The following KIF6 variants were observed in gnomAD, a reference collection of about 807,000 sequenced individuals.
The protein encoded by KIF6 is kinesin family member 6, also known as kinesin-like protein KIF6.
Under a neutral mutation model 112.7 loss-of-function variants are expected in KIF6, and 106 were observed. The ratio of observed to expected loss-of-function variants is 0.94; its 90% CI spans 0.80 to 1.11. The LOEUF (loss-of-function observed/expected upper bound fraction) is 1.11, where lower values mean the gene tolerates loss of function less well. Ranked by LOEUF, KIF6 falls within the 50% of genes least tolerant of loss-of-function variation. The probability of loss-of-function intolerance (pLI) is 0.00; values close to 1 mark genes in which losing one functional copy is unlikely to be tolerated. For synonymous variants in KIF6, 339 were observed against 339.9 expected, an observed-to-expected ratio of 1.00 and a Z score of 0.03; for missense variants, 929 against 964.0, an observed-to-expected ratio of 0.96 and a Z score of 0.48.
intron 10 of KIF6, among the ~76,000 whole-genome samples, chr6:39,572,200 T>A (rs1780681055): frequency 6.6e-6 from 1 of 152,166 alleles, no homozygotes. Flanking sequence ...ATGGGTAGAA[T>A]AAAAACTAGA....
At position 39,333,252 on chromosome 6, in the gene KIF6, T is replaced by C. The variant is rs1562098350; in HGVS notation, c.*3280A>G. The C allele has an allele frequency of 1.3e-5, 2 of 152,244 alleles. No individual in the cohort carries two copies. The highest frequency in any genetic ancestry group is 2.4e-5 in the African/African-American group (1 of 41,464). 9.4% of individuals were successfully genotyped at this position (152,244 alleles called of 1,614,324 possible). A position where few individuals can be genotyped will look rare whatever the true frequency, so the allele number is the denominator to read the frequency against. ...CTGAGAAATCCTAGATCCAGTCATATACTGTCTCTGGGTTCCAATTTCTGT... is the reference window on the plus strand; with the variant it reads ...CTGAGAAATCCTAGATCCAGTCATACACTGTCTCTGGGTTCCAATTTCTGT... On this transcript the variant is annotated 3_prime_UTR_variant, in exon 23 of 23. Transcript: ENST00000287152.
intron 9 of KIF6, 118 bp downstream of exon 9, chr6:39,584,780 G>A (rs995434905): frequency 3.2e-6 from 2 of 615,616 alleles, no homozygotes; most frequent in Non-Finnish European, 5.7e-6. Context: ...GATTAAATGA[G>A]TTAATATGTT....
At position 39,587,043 on chromosome 6, in the gene KIF6, T is replaced by C. The variant is rs148649202; in HGVS notation, c.847-639A>G. ...ATAGGTTTGCTCCCATTGTAAGCAA[T>C]GGGTAGTTGACCTTGGTTCAATTCA... On this transcript the variant is annotated intron_variant, in intron 7 of 22. Coordinates refer to ENST00000287152, the MANE Select transcript of KIF6 (RefSeq NM_145027.6). Among the ~76,000 whole-genome samples the C allele has an allele frequency of 7.5e-4, 115 of 152,340 alleles. No homozygotes were observed. In the Middle Eastern group the frequency reaches 0.01, roughly 14 times the overall value.
intron 13 of KIF6, among the ~76,000 whole-genome samples, chr6:39,499,800 G>A (rs1026600528): frequency 1.3e-5 from 2 of 152,222 alleles, no homozygotes; most frequent in African/African-American, 4.8e-5. Flanking sequence ...AAGGTAGGTG[G>A]TGATGAGCTG....
chr6:39,707,002 G>A (rs1474632705), intron 3 of KIF6, among the ~76,000 whole-genome samples: 1 of 152,150 alleles, frequency 6.6e-6, no homozygotes, highest in African/African-American at 2.4e-5. Flanking sequence ...GTCATAAAGA[G>A]AGTATAGAAT....
chr6:39,707,835 C>T (rs1582496154), intron 3 of KIF6, among the ~76,000 whole-genome samples: 1 of 152,104 alleles, frequency 6.6e-6, no homozygotes, highest in South Asian at 2.1e-4. Context: ...TATTAGCATC[C>T]CCTTTCTCAG....
intron 3 of KIF6, among the ~76,000 whole-genome samples, chr6:39,672,114 T>G (rs193192280): frequency 6.6e-6 from 1 of 152,348 alleles, no homozygotes; most frequent in East Asian, 1.9e-4. Flanking sequence ...AGATGTTTGG[T>G]GATAGTTCTG....
chr6:39,536,589 A>G lies in KIF6; in HGVS notation c.1645+3414T>C, dbSNP rs1197643043. Among the ~76,000 whole-genome samples, 7 of 152,138 alleles carry G rather than the reference A, an allele frequency of 4.6e-5. No homozygotes were observed. The South Asian group carries it at 1.5e-3, about 32-fold the overall frequency. On this transcript the variant is annotated intron_variant, in intron 13 of 22. Coordinates refer to ENST00000287152, the MANE Select transcript of KIF6 (RefSeq NM_145027.6). ...CAATAATCAATAGCTTACCAACGAAAAAGAGTCCAGGACCAGATGGATTCA... is the reference window on the plus strand; with the variant it reads ...CAATAATCAATAGCTTACCAACGAAGAAGAGTCCAGGACCAGATGGATTCA...
chr6:39,700,838 G>A (rs112851472), intron 3 of KIF6, among the ~76,000 whole-genome samples: 10,187 of 151,644 alleles, frequency 0.067, 407 homozygotes, highest in Middle Eastern at 0.11. Context: ...TCAACCTCCC[G>A]AGTAGCTGGG....
intron 6 of KIF6, among the ~76,000 whole-genome samples, chr6:39,603,902 T>G (rs1782726147): frequency 6.6e-6 from 1 of 152,176 alleles, no homozygotes; most frequent in Admixed American, 6.6e-5. Context: ...TTCAATCACT[T>G]TGTTATCTTG....
At chr6:39,496,054 T>G (rs555984038) in intron 13 of KIF6, among the ~76,000 whole-genome samples, 17 of 152,310 alleles carry the variant, frequency 1.1e-4, no homozygotes, top group African/African-American at 1.7e-4. Flanking sequence ...AATCATTTCT[T>G]CAATTCTATC....
intron 13 of KIF6, among the ~76,000 whole-genome samples, chr6:39,475,517 G>T (rs917259870): frequency 6.6e-5 from 10 of 152,284 alleles, no homozygotes; most frequent in African/African-American, 2.2e-4. Context: ...TATTTGTTAG[G>T]ATTGTCTTCA....
At chr6:39,601,723 CA>C (rs1782583725) in intron 6 of KIF6, among the ~76,000 whole-genome samples, 2 of 151,664 alleles carry the variant, frequency 1.3e-5, no homozygotes, top group African/African-American at 4.8e-5. Flanking sequence ...CACACACACA[CA>C]CACACACACA....
intron 13 of KIF6, among the ~76,000 whole-genome samples, chr6:39,449,295 G>A (rs1772534134): frequency 1.3e-5 from 2 of 152,136 alleles, no homozygotes; most frequent in Admixed American, 6.5e-5. Flanking sequence ...AACCTCCTCA[G>A]CCTACCAGGA....
intron 3 of KIF6, among the ~76,000 whole-genome samples, chr6:39,664,339 G>C (rs564708074): frequency 5.8e-4 from 89 of 152,236 alleles, no homozygotes; most frequent in Non-Finnish European, 1.2e-3. Context: ...TCCCCCACAT[G>C]ATGGCAGCCT....
intron 14 of KIF6, among the ~76,000 whole-genome samples, chr6:39,428,055 G>A (rs922411919): frequency 6.6e-6 from 1 of 152,196 alleles, no homozygotes; most frequent in Non-Finnish European, 1.5e-5. Context: ...GTGTTTGGGG[G>A]ATCTTACCTT....
intron 6 of KIF6, among the ~76,000 whole-genome samples, chr6:39,610,281 G>C (rs1582264975): frequency 6.6e-6 from 1 of 152,306 alleles, no homozygotes; most frequent in East Asian, 1.9e-4. Flanking sequence ...CAAAACATTG[G>C]TAGGATTGCT....
chr6:39,542,336 A>G (rs1023973700), intron 12 of KIF6, among the ~76,000 whole-genome samples: 2 of 152,022 alleles, frequency 1.3e-5, no homozygotes, highest in East Asian at 1.9e-4. Flanking sequence ...TGGGTCATGG[A>G]TCCCCCTGTC....
intron 13 of KIF6, among the ~76,000 whole-genome samples, chr6:39,510,872 CAAA>C (rs1180631310): frequency 4.2e-4 from 10 of 23,858 alleles, no homozygotes; most frequent in South Asian, 5.3e-3. Context: ...AAATGGGAAG[CAAA>C]AAAAAAAAAA....
Sources: gnomAD v4.1 joint callset for allele counts (sites outside exome capture counted in the v4.1 genomes callset) on GRCh38, gnomAD v4.1.1 for gene constraint, MANE v1.5 for transcripts, NCBI Gene and HGNC (gene_info 2026-07-23, HGNC 2026-07-21) for gene names.